The following DENND1A variants were observed in gnomAD, a reference collection of about 807,000 sequenced individuals.
DENND1A encodes the protein DENN domain-containing protein 1A.
In DENND1A, 51 loss-of-function variants were observed where a neutral mutation model predicts 113.7. The observed-to-expected ratio is 0.45, with a 90% CI of 0.36 to 0.57. DENND1A has a LOEUF of 0.57. Among genes scored for constraint, DENND1A ranks in the 20% least tolerant of loss-of-function variants. DENND1A has a pLI of 0.00. For synonymous variants in DENND1A, 565 were observed against 570.8 expected, an observed-to-expected ratio of 0.99 and a Z score of 0.14; for missense variants, 1,258 against 1,395.9, an observed-to-expected ratio of 0.90 and a Z score of 1.57.
At chr9:123,529,949 G>T (rs2135319148) in intron 13 of DENND1A, among the ~76,000 whole-genome samples, 1 of 152,220 alleles carries the variant, frequency 6.6e-6, no homozygotes, top group East Asian at 1.9e-4. Context: ...AATTTTTCTT[G>T]TTTGCTTGTT....
chr9:123,711,520 T>TAC (rs1265530237), intron 5 of DENND1A, among the ~76,000 whole-genome samples: 76 of 111,642 alleles, frequency 6.8e-4, no homozygotes, highest in Non-Finnish European at 1.1e-3. Context: ...TATGTATATA[T>TAC]ATATATATAT....
chr9:123,601,401 T>C (rs1326771569), intron 11 of DENND1A, among the ~76,000 whole-genome samples: 1 of 152,256 alleles, frequency 6.6e-6, no homozygotes, highest in East Asian at 1.9e-4. Context: ...ATGCTTACTG[T>C]GAAGAGGAGA....
chr9:123,497,023 T>A (rs1169227679), intron 13 of DENND1A, among the ~76,000 whole-genome samples: 2 of 152,138 alleles, frequency 1.3e-5, no homozygotes, highest in African/African-American at 4.8e-5. Context: ...GCTGCTTACC[T>A]CCGTGACTGG....
chr9:123,382,303 C>T lies in DENND1A; in HGVS notation c.2342G>A (p.Arg781His), dbSNP rs142681458. Reference protein sequence around the residue: ...LGIVPPPPIPRPAKLQAAGAA... With the variant: ...LGIVPPPPIPHPAKLQAAGAA... ...GCCGGCAGCCTGGAGCTTGGCCGGGCGGGGAATGGGCGGTGGAGGCACGAT... is the reference window on the plus strand; with the variant it reads ...GCCGGCAGCCTGGAGCTTGGCCGGGTGGGGAATGGGCGGTGGAGGCACGAT... Residue 781 changes from arginine (R) to histidine (H), a missense_variant, in exon 24 of 24, where the codon CGC (arginine) becomes CAC (histidine). Physicochemically the swap from Arg to His is conservative, Grantham distance 29. This residue lies in a region of DENND1A where 1,159 missense variants were observed against 1,231.7 expected (regional missense o/e 0.94). Coordinates refer to ENST00000394215, the MANE Select transcript of DENND1A (RefSeq NM_001352964.2). 1.4e-5 allele frequency: 22 copies of T among 1,610,240 alleles called. No homozygotes were observed. The highest frequency in any genetic ancestry group is 6.7e-5 in the East Asian group (3 of 44,846).
chr9:123,849,018 A>G (rs1389174018), intron 2 of DENND1A, among the ~76,000 whole-genome samples: 1 of 152,216 alleles, frequency 6.6e-6, no homozygotes, highest in Non-Finnish European at 1.5e-5. Context: ...ATAACATAAA[A>G]AAGTGCAAGG....
At chr9:123,529,908 G>A (rs142273328) in intron 13 of DENND1A, among the ~76,000 whole-genome samples, 4 of 152,288 alleles carry the variant, frequency 2.6e-5, no homozygotes, top group African/African-American at 4.8e-5. Flanking sequence ...CCTCTTACTA[G>A]CTATTTTACC....
chr9:123,769,498 G>T lies in DENND1A; in HGVS notation c.182+16C>A. ...TGATACTTTTTTTCTAGTAAAGTTTGAAAATCTGACACTACCTGTCCACAT... is the reference window on the plus strand; with the variant it reads ...TGATACTTTTTTTCTAGTAAAGTTTTAAAATCTGACACTACCTGTCCACAT... On this transcript the variant is annotated intron_variant, in intron 4 of 23. Coordinates refer to ENST00000394215, the MANE Select transcript of DENND1A (RefSeq NM_001352964.2). 1 of 1,594,154 alleles carries T rather than the reference G, an allele frequency of 6.3e-7. No homozygotes were observed.
chr9:123,427,123 G>A (rs148649429), intron 19 of DENND1A, among the ~76,000 whole-genome samples: 26 of 152,336 alleles, frequency 1.7e-4, no homozygotes, highest in Non-Finnish European at 3.7e-4. Flanking sequence ...TTGGGGTTTA[G>A]AACAAACAAA....
chr9:123,381,434 A>G lies in DENND1A; in HGVS notation c.3211T>C (p.Ter1071ArgextTer4). ...QLRKQWETFE* is the reference protein window; with the variant it reads ...QLRKQWETFER ...ATCCCCCACCCTCAGGGCCCGGCTC[A>G]CTCGAAGGTCTCCCACTGCTTCCTG... Residue 1071 changes from the stop codon to arginine (R), a stop_lost, in exon 24 of 24, where the codon TGA becomes CGA. Transcript: ENST00000394215. The surrounding 1 kb of genome is among the most constrained non-coding windows in gnomAD (Gnocchi z 4.7). The G allele has an allele frequency of 6.2e-7, 1 of 1,612,588 alleles. No individual in the cohort carries two copies. The highest frequency in any genetic ancestry group is 8.5e-7 in the Non-Finnish European group (1 of 1,179,828).
chr9:123,444,888 C>T (rs1055608291), intron 18 of DENND1A, among the ~76,000 whole-genome samples: 2 of 152,086 alleles, frequency 1.3e-5, no homozygotes, highest in Admixed American at 6.5e-5. Flanking sequence ...TGCTTCTTCC[C>T]GAAGGGTCAC....
chr9:123,663,433 C>A (rs2063343566), intron 8 of DENND1A, among the ~76,000 whole-genome samples: 2 of 152,238 alleles, frequency 1.3e-5, no homozygotes, highest in Admixed American at 1.3e-4. Context: ...TTTTCGTTCA[C>A]CGCCATAAAA....
chr9:123,607,551 T>A (rs866896305), intron 11 of DENND1A, among the ~76,000 whole-genome samples: 1,712 of 113,548 alleles, frequency 0.015, 19 homozygotes, highest in Non-Finnish European at 0.023. Context: ...AGAGAGAGTG[T>A]GTGTGTGTGT....
At position 123,905,136 on chromosome 9, in the gene DENND1A, A is replaced by C. The variant is rs956379598; in HGVS notation, c.17+24753T>G. ...TTCGTAAGTGAAGGAGAAATAAAAT[A>C]CTTTACAGACAAGCAAATGCTGAGA... is the stretch of plus-strand genomic sequence containing the variant. On this transcript the variant is annotated intron_variant, in intron 1 of 23. Coordinates refer to ENST00000394215, the MANE Select transcript of DENND1A (RefSeq NM_001352964.2). 8.6e-5 allele frequency among the ~76,000 whole-genome samples: 13 copies of C among 151,752 alleles called. No homozygotes were observed. In the East Asian group the frequency reaches 1.2e-3, roughly 14 times the overall value.
At chr9:123,591,426 C>T (rs1430850834) in intron 11 of DENND1A, among the ~76,000 whole-genome samples, 6 of 152,186 alleles carry the variant, frequency 3.9e-5, no homozygotes, top group Admixed American at 1.3e-4. Context: ...AGCACTCAGC[C>T]GGGTTGGGAG....
In DENND1A at chr9:123,449,351, A is replaced by G. The variant is rs144501201; in HGVS notation, c.1356+1342T>C. ...GGAGATCGAGACCATCCTGGCCAAC[A>G]TGGCGAAACCCCGTCTCTAATAAAA... is the stretch of plus-strand genomic sequence containing the variant. On this transcript the variant is annotated intron_variant, in intron 18 of 23. Transcript: ENST00000394215. Among the ~76,000 whole-genome samples, 714 of 152,310 alleles carry G rather than the reference A, an allele frequency of 4.7e-3. 4 individuals carry two copies. The highest frequency in any genetic ancestry group is 0.016 in the African/African-American group (675 of 41,572).
intron 1 of DENND1A, among the ~76,000 whole-genome samples, chr9:123,906,168 AG>A (rs1352120226): frequency 6.6e-6 from 1 of 150,788 alleles, no homozygotes; most frequent in African/African-American, 2.5e-5. Context: ...ACGAGAACAA[AG>A]ACACAACATA....
intron 12 of DENND1A, among the ~76,000 whole-genome samples, chr9:123,571,837 A>G (rs1401312665): frequency 6.6e-6 from 1 of 152,134 alleles, no homozygotes; most frequent in East Asian, 1.9e-4. Flanking sequence ...GTTGGGTTGT[A>G]TGGTAGGCGT....
intron 1 of DENND1A, among the ~76,000 whole-genome samples, chr9:123,893,161 A>C (rs1417269259): frequency 6.6e-6 from 1 of 152,224 alleles, no homozygotes; most frequent in Non-Finnish European, 1.5e-5. Flanking sequence ...CAAGATAAAC[A>C]TTTAAGATAG....
intron 3 of DENND1A, among the ~76,000 whole-genome samples, chr9:123,778,669 G>A (rs1830802327): frequency 6.6e-6 from 1 of 152,080 alleles, no homozygotes; most frequent in Non-Finnish European, 1.5e-5. Context: ...CCTTAACAAG[G>A]GTAAAAAACC....
Sources: gnomAD v4.1 joint callset for allele counts (sites outside exome capture counted in the v4.1 genomes callset) on GRCh38, gnomAD v4.1.1 for gene constraint, gnomAD v4.1.1 regional missense constraint, Gnocchi (gnomAD v3.1) non-coding constraint, MANE v1.5 for transcripts, NCBI Gene and HGNC (gene_info 2026-07-23, HGNC 2026-07-21) for gene names.